The following SPATA16 variants were observed in gnomAD, a reference collection of about 807,000 sequenced individuals.
SPATA16 encodes spermatogenesis-associated protein 16.
A neutral mutation model predicts 63.3 loss-of-function variants in SPATA16; 36 were observed. The observed-to-expected ratio is 0.57, with a 90% CI of 0.44 to 0.75. The LOEUF (loss-of-function observed/expected upper bound fraction) is 0.75. SPATA16 is among the 30% of genes least tolerant of loss of function. The pLI, the probability that SPATA16 is intolerant of heterozygous loss-of-function variation, is 0.00. For missense variants in SPATA16, 646 were observed against 679.3 expected (o/e 0.95, Z 0.54); for synonymous variants, 203 against 216.7 (o/e 0.94, Z 0.56).
At chr3:173,044,157 A>G (rs1482093402) in intron 3 of SPATA16, among the ~76,000 whole-genome samples, 1 of 152,098 alleles carries the variant, frequency 6.6e-6, no homozygotes, top group Non-Finnish European at 1.5e-5. Flanking sequence ...AAATTTCCAG[A>G]AATTATTTTT....
At chr3:173,099,556 C>A (rs1190351202) in intron 2 of SPATA16, among the ~76,000 whole-genome samples, 5 of 152,048 alleles carry the variant, frequency 3.3e-5, no homozygotes, top group Non-Finnish European at 5.9e-5. Flanking sequence ...AAAAGATGAA[C>A]AACAGTTGCC....
chr3:172,936,564 T>A (rs1280289465), intron 6 of SPATA16, among the ~76,000 whole-genome samples: 3 of 152,238 alleles, frequency 2.0e-5, no homozygotes, highest in Non-Finnish European at 2.9e-5. Context: ...GCTATTATGT[T>A]GCTAAATGGT....
At chr3:172,904,345 G>A (rs1174017238) in intron 10 of SPATA16, among the ~76,000 whole-genome samples, 1 of 152,162 alleles carries the variant, frequency 6.6e-6, no homozygotes, top group Non-Finnish European at 1.5e-5. Flanking sequence ...GATAATTTGT[G>A]GGGTAATACA....
At chr3:173,133,360 T>C (rs1484880294) in intron 1 of SPATA16, among the ~76,000 whole-genome samples, 1 of 152,234 alleles carries the variant, frequency 6.6e-6, no homozygotes, top group Non-Finnish European at 1.5e-5. Flanking sequence ...TTTCTGTTTG[T>C]AGGGGTCTAG....
At chr3:172,978,157 C>A (rs548400828) in intron 4 of SPATA16, among the ~76,000 whole-genome samples, 4,691 of 148,610 alleles carry the variant, frequency 0.032, 86 homozygotes, top group African/African-American at 0.045. Context: ...CTCTCTCTCT[C>A]TCTCTATATA....
chr3:173,008,542 A>AT (rs1464724118), intron 4 of SPATA16, among the ~76,000 whole-genome samples: 1 of 152,202 alleles, frequency 6.6e-6, no homozygotes, highest in East Asian at 1.9e-4. Flanking sequence ...TTTAAAATAT[A>AT]TTTCATTAAA....
intron 3 of SPATA16, among the ~76,000 whole-genome samples, chr3:173,031,376 A>T (rs1735604817): frequency 1.4e-5 from 2 of 147,284 alleles, no homozygotes. Flanking sequence ...AAATGACTAC[A>T]CATCTAAATT....
intron 2 of SPATA16, among the ~76,000 whole-genome samples, chr3:173,068,180 A>G (rs1736569536): frequency 6.6e-6 from 1 of 152,246 alleles, no homozygotes; most frequent in Admixed American, 6.5e-5. Flanking sequence ...TAGTAAGTAT[A>G]CAAACAAACA....
At chr3:173,085,052 A>G (rs1159918986) in intron 2 of SPATA16, among the ~76,000 whole-genome samples, 1 of 152,198 alleles carries the variant, frequency 6.6e-6, no homozygotes, top group Non-Finnish European at 1.5e-5. Flanking sequence ...AATTCTGTGA[A>G]GAACGTCAAT....
intron 1 of SPATA16, among the ~76,000 whole-genome samples, chr3:173,136,128 A>C (rs1189239962): frequency 6.6e-6 from 1 of 152,210 alleles, no homozygotes; most frequent in Non-Finnish European, 1.5e-5. Flanking sequence ...AAAATTCTCC[A>C]GGAGGGTAAA....
At chr3:172,952,187 A>T (rs1233535012) in intron 6 of SPATA16, among the ~76,000 whole-genome samples, 3 of 152,114 alleles carry the variant, frequency 2.0e-5, no homozygotes, top group Non-Finnish European at 4.4e-5. Flanking sequence ...GTTTTTGAGG[A>T]TGGAGTAGGC....
intron 1 of SPATA16, among the ~76,000 whole-genome samples, chr3:173,120,520 A>G (rs1415289103): frequency 6.6e-6 from 1 of 152,178 alleles, no homozygotes; most frequent in Non-Finnish European, 1.5e-5. Flanking sequence ...TCTCTACTTC[A>G]AGCACCAGAG....
intron 1 of SPATA16, among the ~76,000 whole-genome samples, chr3:173,140,499 C>T (rs1438149501): frequency 1.3e-5 from 2 of 152,192 alleles, no homozygotes; most frequent in African/African-American, 4.8e-5. Context: ...TCAGAGCACG[C>T]ATTTTACGCC....
At chr3:172,925,795 A>AT (rs1477896761) in intron 6 of SPATA16, among the ~76,000 whole-genome samples, 1 of 151,844 alleles carries the variant, frequency 6.6e-6, no homozygotes, top group African/African-American at 2.4e-5. Context: ...CAGGCTTATT[A>AT]TTTTTTGCTT....
intron 6 of SPATA16, among the ~76,000 whole-genome samples, chr3:172,948,555 C>T (rs1216532911): frequency 6.6e-6 from 1 of 152,088 alleles, no homozygotes; most frequent in East Asian, 1.9e-4. Flanking sequence ...GCAGCCTTGA[C>T]CTCCTAGGCT....
At chr3:172,981,274 C>G (rs1484167594) in intron 4 of SPATA16, among the ~76,000 whole-genome samples, 1 of 152,152 alleles carries the variant, frequency 6.6e-6, no homozygotes, top group Non-Finnish European at 1.5e-5. Context: ...GCTTCTCCAT[C>G]GGTTTATTCT....
At chr3:173,127,841 G>A (rs1376552697) in intron 1 of SPATA16, among the ~76,000 whole-genome samples, 5 of 152,130 alleles carry the variant, frequency 3.3e-5, no homozygotes, top group African/African-American at 1.2e-4. Flanking sequence ...GACACTTTGC[G>A]ACCACGCAAT....
chr3:173,052,697 G>A (rs935124632), intron 2 of SPATA16, among the ~76,000 whole-genome samples: 8 of 152,314 alleles, frequency 5.3e-5, no homozygotes, highest in Non-Finnish European at 1.0e-4. Context: ...TGTATAGACT[G>A]AGCAGTTAAT....
At chr3:173,088,082 C>CT (rs759156193) in intron 2 of SPATA16, among the ~76,000 whole-genome samples, 3 of 80,086 alleles carry the variant, frequency 3.7e-5, no homozygotes, top group East Asian at 7.4e-4. Flanking sequence ...TTCTTTCTGT[C>CT]TTTTCTTTTT....
Sources: allele counts gnomAD v4.1 joint callset (sites outside exome capture counted in the v4.1 genomes callset), GRCh38; gene constraint gnomAD v4.1.1; transcripts MANE v1.5; gene names NCBI Gene and HGNC (gene_info 2026-07-23, HGNC 2026-07-21).